CCSER1: variants seen among roughly 807,000 people sequenced by gnomAD.
CCSER1 encodes coiled-coil serine rich protein 1.
CCSER1 carries 41 observed loss-of-function variants against 82.0 expected under a neutral mutation model. The observed-to-expected ratio is 0.50, with a 90% CI of 0.39 to 0.65. CCSER1 has a LOEUF of 0.65. Ranked by LOEUF, CCSER1 falls within the 30% of genes least tolerant of loss-of-function variation. The pLI, the probability that CCSER1 is intolerant of heterozygous loss-of-function variation, is 0.00. For synonymous variants in CCSER1, 414 were observed against 383.9 expected (o/e 1.08, Z -0.92); for missense variants, 1,119 against 1,064.2 (o/e 1.05, Z -0.72).
chr4:91,482,514 A>C (rs1033736129), intron 10 of CCSER1, among the ~76,000 whole-genome samples: 4 of 151,980 alleles, frequency 2.6e-5, no homozygotes, highest in African/African-American at 9.7e-5. Context: ...AACTAGTTCA[A>C]CCATTCTGGA....
At chr4:90,311,903 A>G (rs1735348164) in intron 2 of CCSER1, among the ~76,000 whole-genome samples, 3 of 152,178 alleles carry the variant, frequency 2.0e-5, no homozygotes, top group African/African-American at 4.8e-5. Flanking sequence ...GGATGTAGCA[A>G]TACACAAAAC....
At chr4:90,219,042 G>C (rs954375097) in intron 1 of CCSER1, among the ~76,000 whole-genome samples, 1 of 152,140 alleles carries the variant, frequency 6.6e-6, no homozygotes, top group African/African-American at 2.4e-5. Flanking sequence ...TTATGCAAAG[G>C]AGTGAAGTTG....
At chr4:90,333,431 G>A (rs552079891) in intron 3 of CCSER1, among the ~76,000 whole-genome samples, 9 of 151,228 alleles carry the variant, frequency 6.0e-5, no homozygotes, top group South Asian at 2.1e-4. Flanking sequence ...CAAACAAAAC[G>A]AAACAAAAAA....
chr4:90,255,291 T>C (rs933113325), intron 1 of CCSER1, among the ~76,000 whole-genome samples: 6 of 152,130 alleles, frequency 3.9e-5, no homozygotes, highest in Non-Finnish European at 7.4e-5. Flanking sequence ...CAGAGTGATC[T>C]ACATGGGAAC....
chr4:90,832,713 T>G (rs1355604371), intron 8 of CCSER1, among the ~76,000 whole-genome samples: 3 of 152,360 alleles, frequency 2.0e-5, no homozygotes, highest in African/African-American at 7.2e-5. Context: ...CACCAAAGGA[T>G]GCTGACAAGG....
At chr4:91,364,059 C>T (rs964851801) in intron 10 of CCSER1, among the ~76,000 whole-genome samples, 1 of 151,990 alleles carries the variant, frequency 6.6e-6, no homozygotes, top group African/African-American at 2.4e-5. Context: ...AGAAAGTATA[C>T]ATTATTGTAA....
intron 7 of CCSER1, among the ~76,000 whole-genome samples, chr4:90,766,100 T>C (rs1054040390): frequency 3.3e-5 from 5 of 152,068 alleles, no homozygotes; most frequent in African/African-American, 1.2e-4. Flanking sequence ...TTAAGTAACC[T>C]AGAGAGGAAA....
At chr4:90,642,728 G>A (rs554382794) in intron 6 of CCSER1, among the ~76,000 whole-genome samples, 110 of 152,148 alleles carry the variant, frequency 7.2e-4, no homozygotes, top group African/African-American at 2.4e-3. Context: ...TCTCAGCTAC[G>A]CCTGTAGTCC....
intron 10 of CCSER1, among the ~76,000 whole-genome samples, chr4:91,125,884 T>A (rs1466912512): frequency 6.6e-6 from 1 of 151,594 alleles, no homozygotes; most frequent in Non-Finnish European, 1.5e-5. Context: ...GTTTAATAAA[T>A]CACTACAGGC....
chr4:90,537,381 A>C (rs1055325051), intron 5 of CCSER1, among the ~76,000 whole-genome samples: 1 of 151,666 alleles, frequency 6.6e-6, no homozygotes, highest in Admixed American at 6.6e-5. Context: ...GTGAATTTTC[A>C]TTCGAGTTTT....
At chr4:90,567,520 C>A (rs1779551460) in intron 5 of CCSER1, among the ~76,000 whole-genome samples, 1 of 152,012 alleles carries the variant, frequency 6.6e-6, no homozygotes, top group African/African-American at 2.4e-5. Flanking sequence ...AAACTCCCGA[C>A]CTCAGGTGAT....
chr4:90,878,781 G>A (rs1003950285), intron 8 of CCSER1, among the ~76,000 whole-genome samples: 1 of 152,098 alleles, frequency 6.6e-6, no homozygotes, highest in Non-Finnish European at 1.5e-5. Context: ...TGTGACCTTA[G>A]ATCAAATATT....
chr4:90,813,271 C>A (rs1265063950), intron 7 of CCSER1, among the ~76,000 whole-genome samples: 1 of 152,222 alleles, frequency 6.6e-6, no homozygotes, highest in East Asian at 1.9e-4. Flanking sequence ...AATTCTGAAA[C>A]CTGGTGGGCC....
chr4:90,393,618 A>C (rs1048482139), intron 3 of CCSER1, among the ~76,000 whole-genome samples: 2 of 152,140 alleles, frequency 1.3e-5, no homozygotes, highest in Non-Finnish European at 2.9e-5. Context: ...TCTGATAGTT[A>C]TTTGACTAAA....
At chr4:90,643,051 A>G (rs1726864445) in intron 6 of CCSER1, among the ~76,000 whole-genome samples, 2 of 152,308 alleles carry the variant, frequency 1.3e-5, no homozygotes, top group East Asian at 1.9e-4. Context: ...TGAGCAGACT[A>G]TGAAGAGTGG....
At chr4:91,250,838 T>TA (rs1333215715) in intron 10 of CCSER1, among the ~76,000 whole-genome samples, 7 of 152,068 alleles carry the variant, frequency 4.6e-5, no homozygotes, top group Middle Eastern at 3.4e-3. Context: ...ATTGTGTTTT[T>TA]AAAAAAACAG....
At position 90,231,775 on chromosome 4, in the gene CCSER1, C is replaced by G. The variant is rs528298427; in HGVS notation, c.-41-76469C>G. On this transcript the variant is annotated intron_variant, in intron 1 of 10. Coordinates refer to ENST00000509176, the MANE Select transcript of CCSER1 (RefSeq NM_001145065.2). ...AGCTGCTAAGCAACTTCAGCAAAGT[C>G]TCAGGATACAAAATCAATGTACAAA... Among the ~76,000 whole-genome samples, 20 of 152,112 alleles carry G rather than the reference C, an allele frequency of 1.3e-4. 1 individual carries two copies. In the South Asian group the frequency reaches 2.5e-3, roughly 19 times the overall value.
chr4:90,299,473 T>C (rs181851633), intron 1 of CCSER1, among the ~76,000 whole-genome samples: 12 of 152,276 alleles, frequency 7.9e-5, no homozygotes, highest in African/African-American at 2.2e-4. Context: ...TAATCAATTA[T>C]GTGATTTCTG....
At chr4:91,201,762 G>T (rs1262972844) in intron 10 of CCSER1, among the ~76,000 whole-genome samples, 3 of 151,984 alleles carry the variant, frequency 2.0e-5, no homozygotes, top group African/African-American at 7.2e-5. Context: ...ACTGGTATAA[G>T]TGCTATGATG....
Sources: allele counts gnomAD v4.1 joint callset (sites outside exome capture counted in the v4.1 genomes callset), GRCh38; gene constraint gnomAD v4.1.1; transcripts MANE v1.5; gene names NCBI Gene and HGNC (gene_info 2026-07-23, HGNC 2026-07-21).